Variants in ARHGEF10L observed in about 807,000 individuals in gnomAD.
ARHGEF10L encodes the protein Rho guanine nucleotide exchange factor 10 like, also known as rho guanine nucleotide exchange factor 10-like protein.
In ARHGEF10L, 69 loss-of-function variants were observed where a neutral mutation model predicts 141.2. The ratio of observed to expected loss-of-function variants is 0.49; its 90% CI spans 0.40 to 0.60. ARHGEF10L has a LOEUF of 0.60. ARHGEF10L is among the 20% of genes least tolerant of loss of function. The pLI, the probability that ARHGEF10L is intolerant of heterozygous loss-of-function variation, is 0.00. For missense variants in ARHGEF10L, 1,482 were observed against 1,734.3 expected (o/e 0.85, Z 2.58); for synonymous variants, 711 against 718.5 (o/e 0.99, Z 0.17).
intron 17 of ARHGEF10L, 114 bp downstream of exon 17, chr1:17,634,676 G>T (rs1009229658): frequency 6.7e-7 from 1 of 1,493,732 alleles, no homozygotes; most frequent in Non-Finnish European, 9.0e-7. Context: ...CTACCCTGGC[G>T]AGGGATCCCT....
chr1:17,645,748 G>A (rs917735391), intron 21 of ARHGEF10L, among the ~76,000 whole-genome samples: 1 of 152,224 alleles, frequency 6.6e-6, no homozygotes, highest in African/African-American at 2.4e-5. Context: ...CGTGCAAGGC[G>A]CCCCCGTGGG....
At chr1:17,649,371 A>T (rs961145070) in intron 22 of ARHGEF10L, among the ~76,000 whole-genome samples, 3 of 152,172 alleles carry the variant, frequency 2.0e-5, no homozygotes, top group Admixed American at 6.5e-5. Flanking sequence ...TAGAGCAATT[A>T]CTGCCTCCCC....
intron 28 of ARHGEF10L, among the ~76,000 whole-genome samples, chr1:17,695,494 C>A (rs1309352976): frequency 1.3e-5 from 2 of 152,230 alleles, no homozygotes; most frequent in Non-Finnish European, 2.9e-5. Flanking sequence ...CCTAATCTGG[C>A]AGATGGACAC....
Position 17,635,047 on chromosome 1 carries a change from G to T in ARHGEF10L, c.1927+31G>T, listed in dbSNP as rs375807216. 2.5e-6 allele frequency: 4 copies of T among 1,611,494 alleles called. No homozygotes were observed. In the African/African-American group the frequency reaches 4.0e-5, roughly 16 times the overall value. ...TACCCCCTCTCTGTGCCCTGCGTTCGTCACCCTCGCCCTCACCAGCCACAG... is the reference window on the plus strand; with the variant it reads ...TACCCCCTCTCTGTGCCCTGCGTTCTTCACCCTCGCCCTCACCAGCCACAG... On this transcript the variant is annotated intron_variant, in intron 18 of 28. Coordinates refer to ENST00000361221, the MANE Select transcript of ARHGEF10L (RefSeq NM_018125.4).
Position 17,687,675 on chromosome 1 carries a change from C to T in ARHGEF10L, c.3112C>T (p.Leu1038Phe). The change falls in exon 27 of 29, where the codon CTC becomes TTC. Residue 1038 changes from leucine to phenylalanine, a missense_variant. By Grantham distance (22) the Leu-to-Phe change is conservative. This residue lies in a region of ARHGEF10L where 858 missense variants were observed against 966.3 expected (regional missense o/e 0.89). Transcript: ENST00000361221. ...CTTCTCCTCCGGCACCTCCATCCGC[C>T]TCTTCCACACTGAGACCCTGGAGCA... ...MAFSSGTSIR[L>F]FHTETLEHLQ... 6.2e-7 allele frequency: 1 copy of T among 1,612,154 alleles called. No individual in the cohort carries two copies. Among genetic ancestry groups the T allele is most frequent in the Non-Finnish European group, 8.5e-7 (1 of 1,179,442 alleles).
At chr1:17,545,110 G>T (rs2265731) in intron 1 of ARHGEF10L, among the ~76,000 whole-genome samples, 10,502 of 152,054 alleles carry the variant, frequency 0.069, 387 homozygotes, top group Middle Eastern at 0.082. Context: ...TGTGGGTGTG[G>T]GTGTGTGTGT....
intron 1 of ARHGEF10L, among the ~76,000 whole-genome samples, chr1:17,576,183 C>T (rs1182382129): frequency 6.6e-6 from 1 of 151,898 alleles, no homozygotes; most frequent in African/African-American, 2.4e-5. Context: ...GGGAGATGGT[C>T]TTGGGGGGCC....
chr1:17,581,399 G>A (rs2078554364), intron 2 of ARHGEF10L, among the ~76,000 whole-genome samples: 1 of 150,626 alleles, frequency 6.6e-6, no homozygotes, highest in South Asian at 2.1e-4. Context: ...TGAAATTCAA[G>A]TCTGTGTCCT....
rs7540939 is a variant in ARHGEF10L, at chr1:17,563,120, A to G, written c.-43-17433A>G. 3.0e-3 allele frequency among the ~76,000 whole-genome samples: 462 copies of G among 152,256 alleles called. 4 individuals carry two copies. Among genetic ancestry groups the G allele is most frequent in the African/African-American group, 0.01 (429 of 41,552 alleles). On this transcript the variant is annotated intron_variant, in intron 1 of 28. Transcript: ENST00000361221. ...ATCTTCTGCCAAAGGAAGAATTTCA[A>G]TATGGGGGTATGATGTGGGTCAGTG...
At position 17,675,393 on chromosome 1, in the gene ARHGEF10L, G is replaced by A. The variant is rs116595060; in HGVS notation, c.3009+10798G>A. On this transcript the variant is annotated intron_variant, in intron 26 of 28. Coordinates refer to ENST00000361221, the MANE Select transcript of ARHGEF10L (RefSeq NM_018125.4). ...GGTGATGCCCCCTCTGGCTAAGCAC[G>A]GGCAAATGGGTGCTGAGCAGATACT... Among the ~76,000 whole-genome samples, 387 of 152,330 alleles carry A rather than the reference G, an allele frequency of 2.5e-3. 1 individual carries two copies. The highest frequency in any genetic ancestry group is 8.9e-3 in the African/African-American group (372 of 41,570).
intron 15 of ARHGEF10L, among the ~76,000 whole-genome samples, chr1:17,630,095 G>A (rs886072098): frequency 6.6e-6 from 1 of 152,180 alleles, no homozygotes; most frequent in Non-Finnish European, 1.5e-5. Flanking sequence ...GAGTGTGGTG[G>A]AGGCCGCACC....
rs2059891923 is a variant in ARHGEF10L at position 17,617,841 on chromosome 1, G to A, written c.836-1498G>A. Reference sequence around the variant, plus strand: ...GTAGCAGACGTTATTCTTGGTGGGCGGTCAGTCCCTAAGTGGAGGCGTTTG... The same window carrying A: ...GTAGCAGACGTTATTCTTGGTGGGCAGTCAGTCCCTAAGTGGAGGCGTTTG... On this transcript the variant is annotated intron_variant, in intron 9 of 28. Coordinates refer to ENST00000361221, the MANE Select transcript of ARHGEF10L (RefSeq NM_018125.4). Among the ~76,000 whole-genome samples, 7 of 152,292 alleles carry A rather than the reference G, an allele frequency of 4.6e-5. No homozygotes were observed. In the South Asian group the frequency reaches 1.5e-3, roughly 32 times the overall value.
chr1:17,579,997 C>T (rs1291080567), intron 1 of ARHGEF10L, among the ~76,000 whole-genome samples: 1 of 152,248 alleles, frequency 6.6e-6, no homozygotes, highest in African/African-American at 2.4e-5. Flanking sequence ...GCTTTCCTCA[C>T]ACCCATGTGC....
the ARHGEF10L span, among the ~76,000 whole-genome samples, chr1:17,527,450 C>G: frequency 6.6e-6 from 1 of 152,212 alleles, no homozygotes. Flanking sequence ...GCTGGCACGG[C>G]TCTGTTCCCA....
chr1:17,634,779 C>A, intron 17 of ARHGEF10L, 56 bp from the exon 18 acceptor site: 1 of 1,538,062 alleles, frequency 6.5e-7, no homozygotes, highest in Non-Finnish European at 8.8e-7. Flanking sequence ...CCTGGGCCAG[C>A]CCTGGGGCAG....
chr1:17,638,043 A>C, intron 19 of ARHGEF10L, 40 bp downstream of exon 19: 1 of 1,523,072 alleles, frequency 6.6e-7, no homozygotes, highest in Non-Finnish European at 8.9e-7. Context: ...TGAGCTCCCC[A>C]GTGTGGGCAG....
chr1:17,538,734 G>GT (rs1425842375), upstream of ARHGEF10L, among the ~76,000 whole-genome samples: 55 of 150,972 alleles, frequency 3.6e-4, no homozygotes, highest in Non-Finnish European at 7.2e-4. Context: ...GCTGTGGGCT[G>GT]TAAGGAACAC....
chr1:17,571,993 G>C (rs541910518), intron 1 of ARHGEF10L, among the ~76,000 whole-genome samples: 7 of 152,202 alleles, frequency 4.6e-5, no homozygotes, highest in African/African-American at 1.4e-4. Context: ...GGCCAGTTTG[G>C]GGGGGCTCCT....
At chr1:17,591,578 T>C (rs1225250728) in intron 4 of ARHGEF10L, among the ~76,000 whole-genome samples, 1 of 152,046 alleles carries the variant, frequency 6.6e-6, no homozygotes, top group East Asian at 1.9e-4. Context: ...GCCGAACTAA[T>C]TTTTTGTATT....
Sources: gnomAD v4.1 joint callset for allele counts (sites outside exome capture counted in the v4.1 genomes callset) on GRCh38, gnomAD v4.1.1 for gene constraint, gnomAD v4.1.1 regional missense constraint, MANE v1.5 for transcripts, NCBI Gene and HGNC (gene_info 2026-07-23, HGNC 2026-07-21) for gene names.